LINGO2: variants seen among roughly 807,000 people sequenced by gnomAD.
The protein encoded by LINGO2 is leucine rich repeat and Ig domain containing 2.
A neutral mutation model predicts 30.6 loss-of-function variants in LINGO2; 14 were observed. That is an observed-to-expected ratio of 0.46 (90% CI 0.30 to 0.72). The LOEUF is 0.72. Ranked by LOEUF, LINGO2 falls within the 30% of genes least tolerant of loss-of-function variation. The pLI is 0.07. For missense variants in LINGO2, 729 were observed against 751.7 expected, an observed-to-expected ratio of 0.97 and a Z score of 0.35; for synonymous variants, 317 against 288.5, an observed-to-expected ratio of 1.10 and a Z score of -1.00.
chr9:28,854,841 CACAA>C, the LINGO2 span, among the ~76,000 whole-genome samples: 4 of 151,882 alleles, frequency 2.6e-5, no homozygotes, highest in African/African-American at 9.7e-5. Flanking sequence ...TGTTCTTTGG[CACAA>C]ACAATTAACA....
chr9:28,439,139 T>C (rs965746311), intron 2 of LINGO2, among the ~76,000 whole-genome samples: 6 of 148,700 alleles, frequency 4.0e-5, no homozygotes, highest in Admixed American at 1.3e-4. Context: ...ACATTATATG[T>C]AATGAAATAC....
chr9:28,979,127 G>C, the LINGO2 span, among the ~76,000 whole-genome samples: 1 of 151,768 alleles, frequency 6.6e-6, no homozygotes, highest in Non-Finnish European at 1.5e-5. Context: ...GGCTATCTTA[G>C]TGTTTGTTTC....
chr9:28,930,433 G>T, the LINGO2 span, among the ~76,000 whole-genome samples: 1 of 152,118 alleles, frequency 6.6e-6, no homozygotes, highest in East Asian at 1.9e-4. The surrounding 1 kb of genome is among the most constrained non-coding windows in gnomAD (Gnocchi z 4.2). Flanking sequence ...ACTCTTGCAA[G>T]CCAGCTATGA....
intron 2 of LINGO2, among the ~76,000 whole-genome samples, chr9:28,474,454 A>C (rs1296084205): frequency 6.6e-6 from 1 of 152,090 alleles, no homozygotes; most frequent in East Asian, 1.9e-4. Context: ...ACACATATTG[A>C]ATTTTTAGAA....
At chr9:28,481,237 T>G (rs1370422771) in intron 1 of LINGO2, among the ~76,000 whole-genome samples, 1 of 152,154 alleles carries the variant, frequency 6.6e-6, no homozygotes, top group African/African-American at 2.4e-5. Context: ...ACTAAATTCA[T>G]GCTCAGAAAA....
At chr9:28,151,229 G>T (rs62556555) in intron 4 of LINGO2, among the ~76,000 whole-genome samples, 11,715 of 151,962 alleles carry the variant, frequency 0.077, 573 homozygotes, top group African/African-American at 0.13. Context: ...TTCATATTAG[G>T]AAATCAATAA....
intron 4 of LINGO2, among the ~76,000 whole-genome samples, chr9:28,274,801 C>A (rs1823059183): frequency 6.6e-6 from 1 of 152,168 alleles, no homozygotes. Context: ...AACAAGATAT[C>A]CCAGTTACTA....
At chr9:28,405,266 A>T (rs1822452633) in intron 2 of LINGO2, among the ~76,000 whole-genome samples, 1 of 152,124 alleles carries the variant, frequency 6.6e-6, no homozygotes, top group Non-Finnish European at 1.5e-5. Context: ...CTTTAGCAAC[A>T]CTGTATTATT....
intron 1 of LINGO2, among the ~76,000 whole-genome samples, chr9:28,568,338 G>C (rs1262804228): frequency 1.3e-5 from 2 of 151,966 alleles, no homozygotes; most frequent in African/African-American, 2.4e-5. Context: ...GTAGAGGGTG[G>C]GGTGAGGGAG....
intron 2 of LINGO2, among the ~76,000 whole-genome samples, chr9:28,442,482 A>C (rs935568831): frequency 4.6e-5 from 7 of 152,132 alleles, no homozygotes; most frequent in Admixed American, 1.3e-4. Context: ...AGAATAATAA[A>C]ATATTTTAAA....
intron 4 of LINGO2, among the ~76,000 whole-genome samples, chr9:28,163,364 A>T (rs909260517): frequency 1.3e-5 from 2 of 152,164 alleles, no homozygotes; most frequent in African/African-American, 4.8e-5. Flanking sequence ...GTTAGTAATA[A>T]CTAGACACTG....
chr9:28,369,183 A>G (rs1406600434), intron 3 of LINGO2, among the ~76,000 whole-genome samples: 1 of 151,956 alleles, frequency 6.6e-6, no homozygotes, highest in African/African-American at 2.4e-5. Context: ...TTTCATTATT[A>G]TTACTTTTCT....
chr9:28,218,225 A>T (rs1820836720), intron 4 of LINGO2, among the ~76,000 whole-genome samples: 1 of 151,154 alleles, frequency 6.6e-6, no homozygotes, highest in Non-Finnish European at 1.5e-5. Flanking sequence ...ATAGTAATAC[A>T]ATAACTCTAT....
At chr9:28,975,229 G>C in the LINGO2 span, among the ~76,000 whole-genome samples, 1 of 151,766 alleles carries the variant, frequency 6.6e-6, no homozygotes, top group African/African-American at 2.4e-5. Flanking sequence ...CTTAGGAAAA[G>C]CAGAGAAAAA....
At chr9:28,728,313 A>C in the LINGO2 span, among the ~76,000 whole-genome samples, 15 of 152,276 alleles carry the variant, frequency 9.9e-5, no homozygotes, top group African/African-American at 3.6e-4. Flanking sequence ...ATTATTTTTA[A>C]AAGGTAAATA....
chr9:28,510,368 C>A (rs1019599905), intron 1 of LINGO2, among the ~76,000 whole-genome samples: 1 of 151,390 alleles, frequency 6.6e-6, no homozygotes, highest in Non-Finnish European at 1.5e-5. Flanking sequence ...ATAATATATT[C>A]TTATAATAAA....
the LINGO2 span, among the ~76,000 whole-genome samples, chr9:28,693,075 T>C: frequency 3.9e-5 from 6 of 152,090 alleles, no homozygotes; most frequent in Admixed American, 1.3e-4. Context: ...TCATTTTAGG[T>C]TGATAATTCA....
chr9:27,943,190 C>T (rs1202830460), downstream of LINGO2: 1 of 152,120 alleles, frequency 6.6e-6, no homozygotes, highest in East Asian at 1.9e-4. Flanking sequence ...AGGTGTGCAA[C>T]AACATAAAGT....
At chr9:28,887,487 T>G in the LINGO2 span, among the ~76,000 whole-genome samples, 1 of 152,048 alleles carries the variant, frequency 6.6e-6, no homozygotes, top group Admixed American at 6.6e-5. Context: ...GTAATGTTAG[T>G]GGATGATTTG....
Sources: gnomAD v4.1 joint callset for allele counts (sites outside exome capture counted in the v4.1 genomes callset) on GRCh38, gnomAD v4.1.1 for gene constraint, Gnocchi (gnomAD v3.1) non-coding constraint, MANE v1.5 for transcripts, NCBI Gene and HGNC (gene_info 2026-07-23, HGNC 2026-07-21) for gene names.